Variants in FAM149A observed in about 807,000 individuals in gnomAD.
FAM149A encodes the protein protein FAM149A.
In FAM149A, 71 loss-of-function variants were observed where a neutral mutation model predicts 78.2. The observed-to-expected ratio is 0.91, with a 90% CI of 0.75 to 1.11. The LOEUF is 1.11. FAM149A is among the 50% of genes least tolerant of loss of function. FAM149A has a pLI of 0.00. For missense variants in FAM149A, 1,036 were observed against 971.0 expected, an observed-to-expected ratio of 1.07 and a Z score of -0.89; for synonymous variants, 446 against 410.5, an observed-to-expected ratio of 1.09 and a Z score of -1.04.
At position 186,105,236 on chromosome 4, in the gene FAM149A, C is replaced by G. The variant is rs2099308276; in HGVS notation, c.160C>G (p.Leu54Val). ...CACCCCGTTGGGTACCGCCCCGACC[C>G]TCCTCCGCGCCCTGGCTCCGGACTC... is the stretch of plus-strand genomic sequence containing the variant. The change falls in exon 1 of 14, where the codon CTC becomes GTC. Residue 54 changes from leucine to valine, a missense_variant. By Grantham distance (32) the Leu-to-Val change is conservative (BLOSUM62 1). Around this residue, in one of 3 missense-constraint regions of FAM149A, gnomAD observed 316 missense variants for 241.9 expected, o/e 1.31. Transcript: ENST00000389354. 4.8e-6 allele frequency: 6 copies of G among 1,241,658 alleles called. No individual in the cohort carries two copies. The highest frequency in any genetic ancestry group is 6.2e-6 in the Non-Finnish European group (6 of 969,030). 76.9% of individuals were successfully genotyped at this position (1,241,658 alleles called of 1,614,324 possible).
rs543231954 is a variant in FAM149A, at chr4:186,106,811, G to A, written c.566+1169G>A. Among the ~76,000 whole-genome samples the A allele has an allele frequency of 1.1e-4, 16 of 152,200 alleles. No individual in the cohort carries two copies. The South Asian group carries it at 1.5e-3, about 14-fold the overall frequency. On this transcript the variant is annotated intron_variant, in intron 1 of 13. Coordinates refer to ENST00000389354, the MANE Select transcript of FAM149A (RefSeq NM_001367768.3). ...AAATACAAAAAATTAGCCGGGCGTG[G>A]TGGTACGTGCCTGTAGTCCCAGCTA...
At chr4:186,152,346 G>C (rs1733648074) in intron 4 of FAM149A, among the ~76,000 whole-genome samples, 1 of 152,138 alleles carries the variant, frequency 6.6e-6, no homozygotes, top group African/African-American at 2.4e-5. Context: ...CACATTCACT[G>C]TGTGTGAGCA....
Position 186,172,287 on chromosome 4 carries a change from G to T in FAM149A, c.*300G>T, listed in dbSNP as rs747782133. ...TATCAATGATACGCAAACATAATTA[G>T]CATGTGTATGTACTCACACACTAAT... On this transcript the variant is annotated 3_prime_UTR_variant, in exon 14 of 14. Coordinates refer to ENST00000389354, the MANE Select transcript of FAM149A (RefSeq NM_001367768.3). 16 of 279,456 alleles carry T rather than the reference G, an allele frequency of 5.7e-5. No individual in the cohort carries two copies. Among genetic ancestry groups the T allele is most frequent in the Admixed American group, 2.1e-4 (4 of 18,630 alleles). 17.3% of individuals were successfully genotyped at this position (279,456 alleles called of 1,614,324 possible). A position where few individuals can be genotyped will look rare whatever the true frequency, so the allele number is the denominator to read the frequency against.
At chr4:186,150,581 G>A (rs77566107) in intron 3 of FAM149A, among the ~76,000 whole-genome samples, 51,620 of 100,846 alleles carry the variant, frequency 0.51, 11,685 homozygotes, top group Middle Eastern at 0.62. Flanking sequence ...CACCACGCCC[G>A]GCTAATTTTT....
intron 10 of FAM149A, 100 bp from the exon 11 acceptor site, chr4:186,165,244 C>G (rs1337652897): frequency 8.9e-6 from 12 of 1,344,536 alleles, no homozygotes; most frequent in Non-Finnish European, 1.1e-5. Context: ...CTGTGTGCCC[C>G]TCACGCAGAA....
chr4:186,150,284 C>T (rs886225697), intron 3 of FAM149A, among the ~76,000 whole-genome samples: 1 of 151,964 alleles, frequency 6.6e-6, no homozygotes, highest in South Asian at 2.1e-4. Context: ...GATCCCAGGA[C>T]ACAGCCCTCC....
At chr4:186,150,999 C>T (rs1733533813) in intron 3 of FAM149A, 2 of 984,882 alleles carry the variant, frequency 2.0e-6, no homozygotes, top group Non-Finnish European at 2.4e-6. Flanking sequence ...GCCACTGCGC[C>T]CAGCCTCTTT....
intron 6 of FAM149A, among the ~76,000 whole-genome samples, chr4:186,155,639 A>G (rs4862652): frequency 0.58 from 88,355 of 151,974 alleles, 27,303 homozygotes; most frequent in Non-Finnish European, 0.71. Flanking sequence ...ATGGCAATAA[A>G]TGCCTACATT....
At chr4:186,146,354 C>G (rs537643155) in intron 1 of FAM149A, 2 of 434,426 alleles carry the variant, frequency 4.6e-6, no homozygotes, top group African/African-American at 4.3e-5. Context: ...ATTGGTGTGA[C>G]TGTTACCCAA....
At chr4:186,119,485 T>C (rs948904036) in intron 1 of FAM149A, among the ~76,000 whole-genome samples, 4 of 152,236 alleles carry the variant, frequency 2.6e-5, no homozygotes, top group Non-Finnish European at 4.4e-5. Context: ...ACAGCCAAGC[T>C]AAGACTTTCC....
chr4:186,116,168 C>A (rs528899733), intron 1 of FAM149A, among the ~76,000 whole-genome samples: 2 of 110,812 alleles, frequency 1.8e-5, no homozygotes, highest in East Asian at 2.5e-4. Context: ...CAGGTGCGTC[C>A]GTCACCCCTT....
intron 1 of FAM149A, among the ~76,000 whole-genome samples, chr4:186,125,002 T>C (rs1018512591): frequency 1.3e-5 from 2 of 152,208 alleles, no homozygotes; most frequent in Non-Finnish European, 2.9e-5. Context: ...ATTTGCATTT[T>C]TCTGATGGCC....
Position 186,105,492 on chromosome 4 carries a change from C to G in FAM149A, c.416C>G (p.Ala139Gly). 8.3e-7 allele frequency: 1 copy of G among 1,199,950 alleles called. No individual in the cohort carries two copies. Among genetic ancestry groups the G allele is most frequent in the South Asian group, 1.5e-5 (1 of 68,370 alleles). 74.3% of individuals were successfully genotyped at this position (1,199,950 alleles called of 1,614,324 possible). Reference sequence around the variant, plus strand: ...TCGGGCCCCGGCGGGGTCTGGGCCGCGCTCCCCAGGAACCCGCTCCAGCCT... The same window carrying G: ...TCGGGCCCCGGCGGGGTCTGGGCCGGGCTCCCCAGGAACCCGCTCCAGCCT... Residue 139 changes from alanine to glycine, a missense_variant, in exon 1 of 14, where the codon GCG (alanine) becomes GGG (glycine). Ala to Gly is a moderately conservative substitution (Grantham distance 60). Coordinates refer to ENST00000389354, the MANE Select transcript of FAM149A (RefSeq NM_001367768.3).
chr4:186,149,551 T>C lies in FAM149A; in HGVS notation c.678-42T>C. 7.0e-6 allele frequency: 9 copies of C among 1,289,862 alleles called. No individual in the cohort carries two copies. Among genetic ancestry groups the C allele is most frequent in the South Asian group, 4.9e-5 (4 of 81,026 alleles). The allele number at this position is 1,289,862 out of a possible 1,614,324, so 79.9% of individuals were successfully genotyped here. A position where few individuals can be genotyped will look rare whatever the true frequency, so the allele number is the denominator to read the frequency against. On this transcript the variant is annotated intron_variant, in intron 2 of 13. Transcript: ENST00000389354. The stretch of plus-strand genomic sequence containing the variant: ...CCAGCAAATGTGATTTCTTTGCTCA[T>C]GTTCATTCCTGCAGCAAATCCTTGT...
At chr4:186,129,495 C>T (rs1398009) in intron 1 of FAM149A, among the ~76,000 whole-genome samples, 47,257 of 152,022 alleles carry the variant, frequency 0.31, 7,637 homozygotes, top group East Asian at 0.51. Context: ...CTCTTGATTC[C>T]GCTTCCAGCA....
intron 1 of FAM149A, chr4:186,125,868 G>T: frequency 1.0e-6 from 1 of 985,392 alleles, no homozygotes; most frequent in Non-Finnish European, 1.2e-6. Flanking sequence ...GCAACGTAGA[G>T]GAGTGGAATC....
chr4:186,158,035 A>C, intron 8 of FAM149A: 3 of 1,408,464 alleles, frequency 2.1e-6, no homozygotes, highest in South Asian at 2.4e-5. Context: ...CAGCGATGGC[A>C]TCTCTGTCAT....
At chr4:186,155,300 T>C (rs1490398936) in intron 6 of FAM149A, among the ~76,000 whole-genome samples, 1 of 152,174 alleles carries the variant, frequency 6.6e-6, no homozygotes, top group African/African-American at 2.4e-5. Context: ...CTACAACTAT[T>C]ACATGATAAA....
At chr4:186,107,466 T>G (rs565075425) in intron 1 of FAM149A, 1 of 152,338 alleles carries the variant, frequency 6.6e-6, no homozygotes, top group Non-Finnish European at 1.5e-5. Context: ...TCACCCAGGT[T>G]GGAGTGCAGT....
Sources: gnomAD v4.1 joint callset for allele counts (sites outside exome capture counted in the v4.1 genomes callset) on GRCh38, gnomAD v4.1.1 for gene constraint, gnomAD v4.1.1 regional missense constraint, MANE v1.5 for transcripts, NCBI Gene and HGNC (gene_info 2026-07-23, HGNC 2026-07-21) for gene names.